The following EXOC3 variants were observed in gnomAD, a reference collection of about 807,000 sequenced individuals.
The protein encoded by EXOC3 is SEC6-like 1.
Under a neutral mutation model 73.7 loss-of-function variants are expected in EXOC3, and 21 were observed. The observed-to-expected ratio is 0.29, with a 90% CI of 0.20 to 0.41. The LOEUF is 0.41. EXOC3 is among the 10% of genes least tolerant of loss of function. The pLI is 1.00. For missense variants in EXOC3, 842 were observed against 985.1 expected (o/e 0.85, Z 1.95); for synonymous variants, 410 against 389.1 (o/e 1.05, Z -0.63).
chr5:466,236 A>T (rs1029118754), intron 12 of EXOC3: 1 of 259,730 alleles, frequency 3.9e-6, no homozygotes, highest in Non-Finnish European at 7.4e-6. Context: ...TGGACCAGAC[A>T]CCTTCCGAGG....
Position 453,890 on chromosome 5 carries a change from C to T in EXOC3, c.885C>T (p.Asn295=), listed in dbSNP as rs947612527. The T allele has an allele frequency of 1.9e-6, 3 of 1,613,830 alleles. No individual in the cohort carries two copies. The highest frequency in any genetic ancestry group is 3.3e-5 in the Admixed American group (2 of 60,008). The change falls in exon 4 of 13, where the codon AAC becomes AAT. Residue 295 remains asparagine, a synonymous_variant. Coordinates refer to ENST00000512944, the MANE Select transcript of EXOC3 (RefSeq NM_007277.5). ...TGGATGACCTCATTGTCGCCAAAAACCTGATGGTTCAGTGCTTTCCTCCCC... is the reference window on the plus strand; with the variant it reads ...TGGATGACCTCATTGTCGCCAAAAATCTGATGGTTCAGTGCTTTCCTCCCC... The part of the protein sequence containing the change: ...YVLDDLIVAK[N]LMVQCFPPHY...
rs1366015238 is a variant in EXOC3, at chr5:467,188, C to T, written c.*290C>T. On this transcript the variant is annotated 3_prime_UTR_variant, in exon 13 of 13. Coordinates refer to ENST00000512944, the MANE Select transcript of EXOC3 (RefSeq NM_007277.5). ...AAGTGTGTGGGGCACAGAGGACGTG[C>T]ACCTCCCTGCCCTCCTCCTCCCTGG... 2.5e-6 allele frequency: 1 copy of T among 402,726 alleles called. No individual in the cohort carries two copies. The highest frequency in any genetic ancestry group is 4.0e-5 in the East Asian group (1 of 25,290). The allele number at this position is 402,726 out of a possible 1,614,324, so 24.9% of individuals were successfully genotyped here.
At chr5:459,594 T>TCTG in intron 7 of EXOC3, 135 bp downstream of exon 7, 1 of 531,710 alleles carries the variant, frequency 1.9e-6, no homozygotes. Context: ...CACTCCTGTG[T>TCTG]TCTTCAAAAG....
At chr5:455,857 GCTTCC>G (rs1461049367) in intron 4 of EXOC3, among the ~76,000 whole-genome samples, 2 of 152,196 alleles carry the variant, frequency 1.3e-5, no homozygotes, top group Non-Finnish European at 2.9e-5. Context: ...GCCCGTCTCG[GCTTCC>G]CAAAGTGCTG....
intron 12 of EXOC3, 57 bp downstream of exon 12, chr5:465,902 C>A: frequency 6.5e-7 from 1 of 1,547,204 alleles, no homozygotes; most frequent in Non-Finnish European, 8.8e-7. Flanking sequence ...AGCGGCAGGT[C>A]CCTCCTTCTG....
At chr5:446,695 G>A (rs1274621885) in intron 2 of EXOC3, among the ~76,000 whole-genome samples, 1 of 152,004 alleles carries the variant, frequency 6.6e-6, no homozygotes, top group Non-Finnish European at 1.5e-5. Context: ...CTGTCTCTAT[G>A]AAAATACAAA....
intron 10 of EXOC3, 111 bp from the exon 11 acceptor site, chr5:465,000 T>A (rs924879268): frequency 1.8e-6 from 2 of 1,134,314 alleles, no homozygotes. Flanking sequence ...CGAGGAGGAG[T>A]GGGCTCAGAG....
Position 462,138 on chromosome 5 carries a change from C to A in EXOC3, c.1503-19C>A, listed in dbSNP as rs761810326. 6.2e-7 allele frequency: 1 copy of A among 1,613,572 alleles called. No individual in the cohort carries two copies. Among genetic ancestry groups the A allele is most frequent in the East Asian group, 2.2e-5 (1 of 44,876 alleles). ...GGCCTGCCCAGCCGCTGTGTTGAAC[C>A]TGAACCCTTTCCTTGCAGGGAATCC... On this transcript the variant is annotated intron_variant, in intron 8 of 12. Coordinates refer to ENST00000512944, the MANE Select transcript of EXOC3 (RefSeq NM_007277.5).
At chr5:466,634 T>C in intron 12 of EXOC3, 93 bp from the exon 13 acceptor site, 1 of 1,298,562 alleles carries the variant, frequency 7.7e-7, no homozygotes, top group East Asian at 2.5e-5. Context: ...CCCTGTGTTC[T>C]GTCAGCTGGG....
chr5:464,262 A>C (rs766926827), intron 9 of EXOC3, 28 bp from the exon 10 acceptor site: 1 of 1,608,176 alleles, frequency 6.2e-7, no homozygotes, highest in Non-Finnish European at 8.5e-7. Context: ...TGAGGTGATG[A>C]TTTCTATGAT....
Position 443,275 on chromosome 5 carries a change from G to T in EXOC3, c.-72G>T, listed in dbSNP as rs1463897215. The T allele has an allele frequency of 7.0e-6, 1 of 142,868 alleles. No homozygotes were observed. The highest frequency in any genetic ancestry group is 1.5e-5 in the Non-Finnish European group (1 of 66,156). 8.9% of individuals were successfully genotyped at this position (142,868 alleles called of 1,614,324 possible). A position where few individuals can be genotyped will look rare whatever the true frequency, so the allele number is the denominator to read the frequency against. On this transcript the variant is annotated 5_prime_UTR_variant, in exon 1 of 13. Coordinates refer to ENST00000512944, the MANE Select transcript of EXOC3 (RefSeq NM_007277.5). ...CGGCGGCGGCGGCGGCGGCGGCGGCGGCGTAGCCGTAGAGGGTGAGTCGGT... is the reference window on the plus strand; with the variant it reads ...CGGCGGCGGCGGCGGCGGCGGCGGCTGCGTAGCCGTAGAGGGTGAGTCGGT...
At position 462,324 on chromosome 5, in the gene EXOC3, C is replaced by CA. The variant is rs752411447; in HGVS notation, c.1653+17_1653+18insA. The CA allele has an allele frequency of 1.9e-6, 3 of 1,613,686 alleles. No individual in the cohort carries two copies. In the Admixed American group the frequency reaches 5.0e-5, roughly 27 times the overall value. ...GACCTGGAGGTGGGCCTGGCTCTTTCCTCCTGCCGTTTTCTGGGCCGAAGC... is the reference window on the plus strand; with the variant it reads ...GACCTGGAGGTGGGCCTGGCTCTTTCACTCCTGCCGTTTTCTGGGCCGAAGC... On this transcript the variant is annotated intron_variant, in intron 9 of 12. Transcript: ENST00000512944.
intron 10 of EXOC3, chr5:464,724 A>T: frequency 2.5e-6 from 1 of 400,486 alleles, no homozygotes; most frequent in Non-Finnish European, 4.6e-6. Flanking sequence ...TCCGCTTCAG[A>T]CCCTCCTTCC....
chr5:463,289 T>C (rs1738041645), intron 9 of EXOC3, among the ~76,000 whole-genome samples: 1 of 152,182 alleles, frequency 6.6e-6, no homozygotes, highest in Admixed American at 6.5e-5. Flanking sequence ...AAATATGACT[T>C]AGCAAGAAGA....
At chr5:462,726 A>G (rs1738026425) in intron 9 of EXOC3, among the ~76,000 whole-genome samples, 1 of 152,382 alleles carries the variant, frequency 6.6e-6, no homozygotes, top group South Asian at 2.1e-4. Context: ...ATAACCTACC[A>G]TGAAATGTAG....
At chr5:460,346 G>T (rs549470417) in intron 7 of EXOC3, among the ~76,000 whole-genome samples, 1 of 152,126 alleles carries the variant, frequency 6.6e-6, no homozygotes. Flanking sequence ...GTCAGCTCCC[G>T]AGCCAGATGC....
intron 12 of EXOC3, 197 bp from the exon 13 acceptor site, chr5:466,530 C>A: frequency 1.8e-6 from 1 of 558,470 alleles, no homozygotes; most frequent in Non-Finnish European, 3.2e-6. Context: ...AATCTTTCTG[C>A]AATTGGATTG....
chr5:462,429 A>G, intron 9 of EXOC3, 122 bp downstream of exon 9: 4 of 1,128,376 alleles, frequency 3.5e-6, no homozygotes, highest in Non-Finnish European at 5.2e-6. Context: ...CGGGCTGTGC[A>G]CTTGCATTCC....
chr5:465,536 G>A (rs1738120974), intron 11 of EXOC3, among the ~76,000 whole-genome samples, 182 bp from the exon 12 acceptor site: 1 of 152,224 alleles, frequency 6.6e-6, no homozygotes, highest in Non-Finnish European at 1.5e-5. Context: ...GGTGCTGGCT[G>A]CCTCCCACGG....
Sources: allele counts gnomAD v4.1 joint callset (sites outside exome capture counted in the v4.1 genomes callset), GRCh38; gene constraint gnomAD v4.1.1; transcripts MANE v1.5; gene names NCBI Gene and HGNC (gene_info 2026-07-23, HGNC 2026-07-21).